Variants in EDIL3 observed in about 807,000 individuals in gnomAD.
EDIL3 encodes EGF-like repeat and discoidin I-like domain-containing protein 3.
EDIL3 carries 37 observed loss-of-function variants against 67.4 expected under a neutral mutation model. The observed-to-expected ratio is 0.55, with a 90% CI of 0.42 to 0.72. The LOEUF (loss-of-function observed/expected upper bound fraction) is 0.72, where lower values mean the gene tolerates loss of function less well. EDIL3 is among the 30% of genes least tolerant of loss of function. The probability of loss-of-function intolerance (pLI) is 0.00; values close to 1 mark genes in which losing one functional copy is unlikely to be tolerated. For synonymous variants in EDIL3, 195 were observed against 196.3 expected, an observed-to-expected ratio of 0.99 and a Z score of 0.05; for missense variants, 527 against 586.3, an observed-to-expected ratio of 0.90 and a Z score of 1.04.
At chr5:84,118,297 T>C (rs1234388142) in intron 5 of EDIL3, among the ~76,000 whole-genome samples, 1 of 152,134 alleles carries the variant, frequency 6.6e-6, no homozygotes, top group African/African-American at 2.4e-5. Context: ...TTTGAAAAGT[T>C]ATCAGCTCAG....
intron 9 of EDIL3, among the ~76,000 whole-genome samples, chr5:84,056,468 A>G (rs1412676271): frequency 6.6e-6 from 1 of 152,108 alleles, no homozygotes; most frequent in Non-Finnish European, 1.5e-5. Context: ...CTTATAAAGT[A>G]TAATAAAAAA....
At chr5:84,229,503 T>A (rs1744520504) in intron 3 of EDIL3, among the ~76,000 whole-genome samples, 1 of 152,198 alleles carries the variant, frequency 6.6e-6, no homozygotes, top group Non-Finnish European at 1.5e-5. Flanking sequence ...TTCCTCCTTT[T>A]TAATCTTAAT....
intron 5 of EDIL3, among the ~76,000 whole-genome samples, chr5:84,116,925 T>A (rs966686736): frequency 6.6e-6 from 1 of 152,102 alleles, no homozygotes; most frequent in Non-Finnish European, 1.5e-5. Context: ...ATCAGCCTAT[T>A]GAAATATGAA....
chr5:84,216,709 T>C (rs1469059302), intron 3 of EDIL3, among the ~76,000 whole-genome samples: 1 of 152,100 alleles, frequency 6.6e-6, no homozygotes, highest in Non-Finnish European at 1.5e-5. Context: ...ATTGACTGAA[T>C]AAAAAAATCA....
intron 1 of EDIL3, among the ~76,000 whole-genome samples, chr5:84,378,953 G>A (rs1247019320): frequency 6.6e-6 from 1 of 152,074 alleles, no homozygotes; most frequent in East Asian, 1.9e-4. Flanking sequence ...TTTTAATAAT[G>A]ATGACAAAAT....
intron 2 of EDIL3, among the ~76,000 whole-genome samples, chr5:84,242,430 T>G (rs2112060347): frequency 6.6e-6 from 1 of 152,234 alleles, no homozygotes; most frequent in African/African-American, 2.4e-5. Flanking sequence ...TGAAAGAATG[T>G]GTTCCTTCAG....
At chr5:83,968,439 A>G (rs1158593481) in intron 9 of EDIL3, among the ~76,000 whole-genome samples, 1 of 152,144 alleles carries the variant, frequency 6.6e-6, no homozygotes, top group Non-Finnish European at 1.5e-5. Context: ...AAAATACAAT[A>G]ACTAAAACCA....
intron 2 of EDIL3, 69 bp downstream of exon 2, chr5:84,254,015 A>ACAGC: frequency 6.7e-7 from 1 of 1,496,730 alleles, no homozygotes; most frequent in Non-Finnish European, 8.9e-7. Flanking sequence ...ATAATGCACC[A>ACAGC]CAGCCAAACT....
intron 3 of EDIL3, among the ~76,000 whole-genome samples, chr5:84,193,834 G>T (rs1262754645): frequency 6.6e-6 from 1 of 151,880 alleles, no homozygotes; most frequent in East Asian, 1.9e-4. Context: ...ACACCTCTCT[G>T]TTTTCTTGCA....
intron 9 of EDIL3, among the ~76,000 whole-genome samples, chr5:83,980,244 T>G (rs867966722): frequency 6.6e-6 from 1 of 152,092 alleles, no homozygotes; most frequent in African/African-American, 2.4e-5. Context: ...TGTGTGTTTT[T>G]TTTTTGTTTT....
intron 1 of EDIL3, among the ~76,000 whole-genome samples, chr5:84,301,916 G>A (rs555168065): frequency 1.3e-5 from 2 of 152,200 alleles, no homozygotes; most frequent in East Asian, 3.9e-4. Flanking sequence ...AGAACTTCCA[G>A]AGTTTTCATC....
chr5:84,166,934 A>C (rs1743457074), intron 4 of EDIL3, among the ~76,000 whole-genome samples: 1 of 152,176 alleles, frequency 6.6e-6, no homozygotes, highest in Admixed American at 6.6e-5. Flanking sequence ...AAGTAGAATC[A>C]GCAAGGTGGA....
intron 4 of EDIL3, among the ~76,000 whole-genome samples, chr5:84,140,897 CAGG>C (rs1187964268): frequency 5.3e-5 from 8 of 152,004 alleles, no homozygotes; most frequent in African/African-American, 1.9e-4. Context: ...TTGTATAATG[CAGG>C]AGTTCTTTCA....
In EDIL3 at chr5:84,027,869, C is replaced by T. The variant is rs79429381; in HGVS notation, c.1137+32431G>A. Among the ~76,000 whole-genome samples the T allele has an allele frequency of 4.5e-3, 683 of 152,194 alleles. 3 individuals carry two copies. Among genetic ancestry groups the T allele is most frequent in the African/African-American group, 0.016 (663 of 41,538 alleles). On this transcript the variant is annotated intron_variant, in intron 9 of 10. Coordinates refer to ENST00000296591, the MANE Select transcript of EDIL3 (RefSeq NM_005711.5). ...AAGACACTTTGTAATATTGGTGCCC[C>T]TGACCCTTGGGCCTCTTGTTTCCAT...
intron 1 of EDIL3, among the ~76,000 whole-genome samples, chr5:84,270,083 A>T (rs1013988165): frequency 1.8e-4 from 28 of 152,342 alleles, no homozygotes; most frequent in Admixed American, 1.6e-3. Context: ...AGATAGTGAG[A>T]TCACAAGGGT....
At position 83,943,480 on chromosome 5, in the gene EDIL3, C is replaced by T; in HGVS notation, c.1382G>A (p.Trp461Ter). ...IYARHIRILPWSWYGRITLRS... is the reference protein window; with the variant it reads ...IYARHIRILP Reference sequence around the variant, plus strand: ...CAATGTGATCCTCCCGTACCAGGACCAAGGAAGGATTCTTATGTGTCGTGC... The same window carrying T: ...CAATGTGATCCTCCCGTACCAGGACTAAGGAAGGATTCTTATGTGTCGTGC... Residue 461 changes from tryptophan (W) to a stop codon, truncating the protein, a stop_gained, in exon 11 of 11, where the codon TGG (tryptophan) becomes TAG (stop). Coordinates refer to ENST00000296591, the MANE Select transcript of EDIL3 (RefSeq NM_005711.5). LOFTEE classifies it high-confidence loss of function. 6.2e-7 allele frequency: 1 copy of T among 1,612,764 alleles called. No individual in the cohort carries two copies. Among genetic ancestry groups the T allele is most frequent in the Non-Finnish European group, 8.5e-7 (1 of 1,179,234 alleles).
rs1749023204 is a variant in EDIL3, at chr5:84,182,100, A to G, written c.227-1579T>C. Reference sequence around the variant, plus strand: ...GGGTATTGAACAGAGAGTGCTATAGAGAATGACTCCTCCTGCATGGGTCAA... The same window carrying G: ...GGGTATTGAACAGAGAGTGCTATAGGGAATGACTCCTCCTGCATGGGTCAA... On this transcript the variant is annotated intron_variant, in intron 3 of 10. Coordinates refer to ENST00000296591, the MANE Select transcript of EDIL3 (RefSeq NM_005711.5). Among the ~76,000 whole-genome samples the G allele has an allele frequency of 2.0e-5, 3 of 152,040 alleles. 1 individual carries two copies.
intron 4 of EDIL3, among the ~76,000 whole-genome samples, chr5:84,145,724 C>T (rs1053081878): frequency 5.9e-5 from 9 of 151,994 alleles, no homozygotes; most frequent in East Asian, 1.9e-4. Context: ...CTAATATTTA[C>T]GGTTGCTAGA....
At chr5:84,172,550 C>T (rs1461322552) in intron 4 of EDIL3, among the ~76,000 whole-genome samples, 1 of 151,820 alleles carries the variant, frequency 6.6e-6, no homozygotes, top group East Asian at 1.9e-4. Context: ...CCACTGCACT[C>T]CAGACTGGGT....
Sources: allele counts gnomAD v4.1 joint callset (sites outside exome capture counted in the v4.1 genomes callset), GRCh38; gene constraint gnomAD v4.1.1; transcripts MANE v1.5; gene names NCBI Gene and HGNC (gene_info 2026-07-23, HGNC 2026-07-21).